RNF38: variants seen among roughly 807,000 people sequenced by gnomAD.
The protein encoded by RNF38 is E3 ubiquitin-protein ligase RNF38.
RNF38 carries 15 observed loss-of-function variants against 67.2 expected under a neutral mutation model. The ratio of observed to expected loss-of-function variants is 0.22; its 90% confidence interval spans 0.15 to 0.34. RNF38 has a LOEUF of 0.34. RNF38 is among the 10% of genes least tolerant of loss of function. RNF38 has a pLI of 1.00. For synonymous variants in RNF38, 220 were observed against 218.8 expected, an observed-to-expected ratio of 1.01 and a Z score of -0.05; for missense variants, 524 against 639.9, an observed-to-expected ratio of 0.82 and a Z score of 1.95.
intron 1 of RNF38, among the ~76,000 whole-genome samples, chr9:36,396,553 C>A (rs994734165): frequency 8.7e-4 from 132 of 152,136 alleles, no homozygotes; most frequent in African/African-American, 3.1e-3. Context: ...AGGATTTTGA[C>A]AGTGTGGAGC....
At chr9:36,455,014 T>C (rs1564069483) in intron 1 of RNF38, among the ~76,000 whole-genome samples, 1 of 152,132 alleles carries the variant, frequency 6.6e-6, no homozygotes, top group Non-Finnish European at 1.5e-5. Flanking sequence ...TCAACTCCCA[T>C]GCGTATAAAG....
chr9:36,401,348 T>G, upstream of RNF38: 1 of 409,502 alleles, frequency 2.4e-6, no homozygotes, highest in Non-Finnish European at 3.3e-6. Context: ...CTGTTCCAAT[T>G]CCTATAGATT....
chr9:36,455,141 C>A (rs1190226982), intron 1 of RNF38, among the ~76,000 whole-genome samples: 1 of 151,946 alleles, frequency 6.6e-6, no homozygotes, highest in African/African-American at 2.4e-5. Context: ...CTCACTGCAA[C>A]CCCCGCCTCC....
At chr9:36,390,142 T>C (rs1836963185) in intron 2 of RNF38, among the ~76,000 whole-genome samples, 2 of 152,208 alleles carry the variant, frequency 1.3e-5, no homozygotes, top group Admixed American at 1.3e-4. Flanking sequence ...ATTTTTCCTT[T>C]CCTACACAAC....
chr9:36,467,213 A>G (rs1314952238), intron 1 of RNF38, among the ~76,000 whole-genome samples: 2 of 52,552 alleles, frequency 3.8e-5, no homozygotes, highest in Admixed American at 4.5e-4. Context: ...TCTGATTGCT[A>G]TTACATATAT....
chr9:36,351,749 T>C lies in RNF38; in HGVS notation c.1179-550A>G, dbSNP rs549248445. ...TCCTAGCATTCCCAGAAAGTAATTA[T>C]AGACATGTGACTAAGTTCTGGCCAA... On this transcript the variant is annotated intron_variant, in intron 8 of 11. Transcript: ENST00000259605. 1.3e-5 allele frequency among the ~76,000 whole-genome samples: 2 copies of C among 152,298 alleles called. 1 individual carries two copies. The highest frequency in any genetic ancestry group is 2.9e-5 in the Non-Finnish European group (2 of 68,010).
chr9:36,391,997 G>T (rs1837149670), intron 1 of RNF38, among the ~76,000 whole-genome samples: 1 of 152,160 alleles, frequency 6.6e-6, no homozygotes, highest in Admixed American at 6.5e-5. Flanking sequence ...GTAACGCTAG[G>T]CACTAGGTGC....
intron 1 of RNF38, among the ~76,000 whole-genome samples, chr9:36,481,571 T>G (rs930303279): frequency 6.6e-6 from 1 of 152,140 alleles, no homozygotes; most frequent in African/African-American, 2.4e-5. Flanking sequence ...ATAATTTCTT[T>G]CAAAAAATTA....
In RNF38 at chr9:36,339,685, T is replaced by G; in HGVS notation, c.*67A>C. Reference sequence around the variant, plus strand: ...GGGCTGGAAGCCACACAGATTAAGTTCAATGGATAGTCCGTATATACATGT... The same window carrying G: ...GGGCTGGAAGCCACACAGATTAAGTGCAATGGATAGTCCGTATATACATGT... On this transcript the variant is annotated 3_prime_UTR_variant, in exon 12 of 12. Coordinates refer to ENST00000259605, the MANE Select transcript of RNF38 (RefSeq NM_022781.5). 1 of 1,296,444 alleles carries G rather than the reference T, an allele frequency of 7.7e-7. No individual in the cohort carries two copies. Among genetic ancestry groups the G allele is most frequent in the Middle Eastern group, 1.8e-4 (1 of 5,488 alleles). The allele number at this position is 1,296,444 out of a possible 1,614,324, so 80.3% of individuals were successfully genotyped here.
chr9:36,469,584 C>G (rs1335717691), intron 1 of RNF38, among the ~76,000 whole-genome samples: 1 of 152,090 alleles, frequency 6.6e-6, no homozygotes, highest in African/African-American at 2.4e-5. Flanking sequence ...TTGCTTGAAC[C>G]CGGGAGGTGG....
intron 9 of RNF38, among the ~76,000 whole-genome samples, chr9:36,345,268 A>G (rs1434333756): frequency 6.6e-6 from 1 of 152,252 alleles, no homozygotes; most frequent in East Asian, 1.9e-4. Flanking sequence ...TGATCTATCC[A>G]TTACGCAGGT....
intron 4 of RNF38, among the ~76,000 whole-genome samples, chr9:36,366,637 TTTC>T (rs1564013009): frequency 1.3e-5 from 2 of 152,236 alleles, no homozygotes; most frequent in African/African-American, 2.4e-5. Flanking sequence ...CTTAAACTTT[TTTC>T]TTCTTGTCTT....
Position 36,337,104 on chromosome 9 carries a change from C to G in RNF38, c.*2648G>C, listed in dbSNP as rs1832500628. On this transcript the variant is annotated 3_prime_UTR_variant, in exon 12 of 12. Coordinates refer to ENST00000259605, the MANE Select transcript of RNF38 (RefSeq NM_022781.5). ...TTTTAGGAGGAAAGAGGACGAAGGC[C>G]AATGAACCAACATCTGCCTGCTATC... The G allele has an allele frequency of 1.3e-5, 2 of 152,164 alleles. No individual in the cohort carries two copies. The highest frequency in any genetic ancestry group is 4.8e-5 in the African/African-American group (2 of 41,442). 9.4% of individuals were successfully genotyped at this position (152,164 alleles called of 1,614,324 possible).
At chr9:36,430,269 C>G (rs1395014892) in intron 1 of RNF38, among the ~76,000 whole-genome samples, 1 of 152,022 alleles carries the variant, frequency 6.6e-6, no homozygotes, top group African/African-American at 2.4e-5. Flanking sequence ...TGCAATGGCG[C>G]GATCTCAGCT....
At chr9:36,408,980 A>T in intron 2 of RNF38, among the ~76,000 whole-genome samples, 1 of 152,192 alleles carries the variant, frequency 6.6e-6, no homozygotes, top group Non-Finnish European at 1.5e-5. Context: ...TGAAGTCAGG[A>T]GTTCGAGGCC....
At position 36,409,485 on chromosome 9, in the gene RNF38, A is replaced by G. The variant is rs570312740; in HGVS notation, n.312+15128T>C. Among the ~76,000 whole-genome samples the G allele has an allele frequency of 6.6e-5, 10 of 152,322 alleles. No homozygotes were observed. In the East Asian group the frequency reaches 1.5e-3, roughly 24 times the overall value. On this transcript the variant is annotated intron_variant and non_coding_transcript_variant, in intron 2 of 3. Coordinates refer to the RNF38 transcript ENST00000488058. Reference sequence around the variant, plus strand: ...TTAAGAAGTTTGAGATGCAAGAAACATTCGAATGCTGCAGACCAGACTGCC... The same window carrying G: ...TTAAGAAGTTTGAGATGCAAGAAACGTTCGAATGCTGCAGACCAGACTGCC...
At chr9:36,366,547 C>T (rs1834979454) in intron 4 of RNF38, among the ~76,000 whole-genome samples, 1 of 152,094 alleles carries the variant, frequency 6.6e-6, no homozygotes. Flanking sequence ...CTAACAATTA[C>T]CTAAGATGCT....
chr9:36,426,175 T>C (rs1352647614), intron 1 of RNF38, among the ~76,000 whole-genome samples: 1 of 152,230 alleles, frequency 6.6e-6, no homozygotes, highest in Non-Finnish European at 1.5e-5. Context: ...TTGTCTTGTT[T>C]TAAACAAAAT....
intron 1 of RNF38, among the ~76,000 whole-genome samples, chr9:36,483,278 C>T (rs1028363822): frequency 2.6e-5 from 4 of 151,882 alleles, no homozygotes; most frequent in Middle Eastern, 3.2e-3. Context: ...CCCAGCTACT[C>T]GAGAGGCTGA....
Sources: gnomAD v4.1 joint callset for allele counts (sites outside exome capture counted in the v4.1 genomes callset) on GRCh38, gnomAD v4.1.1 for gene constraint, MANE v1.5 for transcripts, NCBI Gene and HGNC (gene_info 2026-07-23, HGNC 2026-07-21) for gene names.